The following MPPED2 variants were observed in gnomAD, a reference collection of about 807,000 sequenced individuals.
MPPED2 encodes the protein metallophosphoesterase MPPED2.
In MPPED2, 5 loss-of-function variants were observed where a neutral mutation model predicts 33.0. The ratio of observed to expected loss-of-function variants is 0.15; its 90% CI spans 0.08 to 0.32. MPPED2 has a LOEUF of 0.32. MPPED2 is among the 10% of genes least tolerant of loss of function. The pLI is 1.00. For missense variants in MPPED2, 275 were observed against 372.1 expected (o/e 0.74, Z 2.15); for synonymous variants, 136 against 141.9 (o/e 0.96, Z 0.29).
intron 4 of MPPED2, among the ~76,000 whole-genome samples, chr11:30,435,858 T>C (rs1949300108): frequency 6.6e-6 from 1 of 151,968 alleles, no homozygotes; most frequent in African/African-American, 2.4e-5. Flanking sequence ...ATAAACCTCA[T>C]GTTTTTTTCC....
chr11:30,498,846 A>C (rs1952422475), intron 3 of MPPED2, among the ~76,000 whole-genome samples: 2 of 152,238 alleles, frequency 1.3e-5, no homozygotes, highest in African/African-American at 4.8e-5. Flanking sequence ...CAGGGACAAT[A>C]AAGTGACAAT....
downstream of MPPED2, among the ~76,000 whole-genome samples, chr11:30,407,452 C>A (rs1948007567): frequency 1.3e-5 from 2 of 152,230 alleles, no homozygotes; most frequent in Non-Finnish European, 2.9e-5. Context: ...CCGCCTCCCA[C>A]TAATGCCCTT....
At chr11:30,578,128 T>C (rs1032189677) in intron 2 of MPPED2, among the ~76,000 whole-genome samples, 13 of 152,038 alleles carry the variant, frequency 8.6e-5, no homozygotes, top group African/African-American at 3.1e-4. Flanking sequence ...AACGGATAGG[T>C]AGAAAAGGCT....
At chr11:30,423,133 G>C (rs485083) in intron 4 of MPPED2, among the ~76,000 whole-genome samples, 139,317 of 152,230 alleles carry the variant, frequency 0.92, 63,788 homozygotes, top group East Asian at 1. Flanking sequence ...CAGAAGGGAG[G>C]TGCCAAGCCA....
rs140393689 is a variant in MPPED2, at chr11:30,497,700, C to CCTTTCTTTCTTTCTTT, written c.311-2195_311-2180dup. On this transcript the variant is annotated intron_variant, in intron 3 of 6. Coordinates refer to ENST00000358117, the MANE Select transcript of MPPED2 (RefSeq NM_001584.3). ...TTTTCCCCCTTCAGACTGGGTTTTT[C>CCTTTCTTTCTTTCTTT]CTTTCTTTCTTTCTTTCTTTCTTTT... 1.2e-3 allele frequency among the ~76,000 whole-genome samples: 177 copies of CCTTTCTTTCTTTCTTT among 151,804 alleles called. 1 individual carries two copies. The highest frequency in any genetic ancestry group is 4.2e-3 in the African/African-American group (172 of 41,186).
intron 4 of MPPED2, among the ~76,000 whole-genome samples, chr11:30,491,776 G>A (rs1189669195): frequency 6.6e-6 from 1 of 152,160 alleles, no homozygotes; most frequent in Admixed American, 6.5e-5. Flanking sequence ...CAGTAGCTCT[G>A]GGAATATTAA....
At chr11:30,464,952 C>T (rs1950648212) in intron 4 of MPPED2, among the ~76,000 whole-genome samples, 1 of 152,116 alleles carries the variant, frequency 6.6e-6, no homozygotes, top group African/African-American at 2.4e-5. Flanking sequence ...GCAAACAGTC[C>T]TATTTCTACT....
At chr11:30,506,348 A>G (rs1330055246) in intron 3 of MPPED2, among the ~76,000 whole-genome samples, 1 of 152,128 alleles carries the variant, frequency 6.6e-6, no homozygotes. Context: ...CTGGCCTATT[A>G]CTGTTATTTT....
chr11:30,452,119 T>C, intron 4 of MPPED2: 1 of 984,776 alleles, frequency 1.0e-6, no homozygotes, highest in Non-Finnish European at 1.2e-6. Flanking sequence ...TTATTTCTCT[T>C]CTCTACTTAA....
chr11:30,422,760 T>A (rs1948666251), intron 4 of MPPED2, among the ~76,000 whole-genome samples: 1 of 152,146 alleles, frequency 6.6e-6, no homozygotes, highest in Admixed American at 6.6e-5. Context: ...TGTAAAAAAA[T>A]GTCCCACAAA....
At chr11:30,491,761 A>T (rs1951992892) in intron 4 of MPPED2, among the ~76,000 whole-genome samples, 1 of 152,236 alleles carries the variant, frequency 6.6e-6, no homozygotes, top group Non-Finnish European at 1.5e-5. Context: ...CGATGTTCAG[A>T]TTATCAGTAG....
chr11:30,427,181 G>C (rs751425567), intron 4 of MPPED2, among the ~76,000 whole-genome samples: 5 of 152,214 alleles, frequency 3.3e-5, no homozygotes, highest in Non-Finnish European at 5.9e-5. Flanking sequence ...AGGAAAGGTA[G>C]GTTCGGGAGT....
At chr11:30,553,917 T>G (rs185139965) in intron 2 of MPPED2, among the ~76,000 whole-genome samples, 10 of 152,322 alleles carry the variant, frequency 6.6e-5, no homozygotes, top group Admixed American at 5.9e-4. Flanking sequence ...TGACAATTTA[T>G]GAGTGTAAAT....
intron 4 of MPPED2, among the ~76,000 whole-genome samples, chr11:30,482,715 C>T (rs112354451): frequency 6.6e-6 from 1 of 152,132 alleles, no homozygotes; most frequent in Non-Finnish European, 1.5e-5. Flanking sequence ...CAATAATCCA[C>T]TGATTCTGTT....
At chr11:30,510,754 G>A (rs903991139) in intron 3 of MPPED2, among the ~76,000 whole-genome samples, 5 of 152,182 alleles carry the variant, frequency 3.3e-5, no homozygotes, top group African/African-American at 7.2e-5. Flanking sequence ...CGTTCTGACC[G>A]GAAACTGGAG....
intron 6 of MPPED2, among the ~76,000 whole-genome samples, chr11:30,400,246 A>T (rs909146074): frequency 6.6e-6 from 1 of 152,064 alleles, no homozygotes; most frequent in Non-Finnish European, 1.5e-5. Flanking sequence ...TAATAAAAAA[A>T]TATTTCTTTT....
rs373263880 is a variant in MPPED2 at position 30,476,075 on chromosome 11, AT to A, written c.536+19220del. Among the ~76,000 whole-genome samples, 1,162 of 152,044 alleles carry A rather than the reference AT, an allele frequency of 7.6e-3. 17 individuals carry two copies. Among genetic ancestry groups the A allele is most frequent in the African/African-American group, 0.027 (1,112 of 41,500 alleles). On this transcript the variant is annotated intron_variant, in intron 4 of 6. Coordinates refer to ENST00000358117, the MANE Select transcript of MPPED2 (RefSeq NM_001584.3). The stretch of plus-strand genomic sequence containing the variant: ...GAAGAGTCAATTCAAACTTCTGAGC[AT>A]TTTTTATTGGGGTGTTTGTCTTTTT...
intron 6 of MPPED2, among the ~76,000 whole-genome samples, chr11:30,404,657 TTTA>T (rs1453558331): frequency 1.3e-5 from 2 of 152,216 alleles, no homozygotes; most frequent in Non-Finnish European, 2.9e-5. Context: ...CCAACTTTCT[TTTA>T]TTGTTGTCTT....
intron 2 of MPPED2, among the ~76,000 whole-genome samples, chr11:30,576,142 T>C (rs1242814944): frequency 6.6e-6 from 1 of 152,206 alleles, no homozygotes; most frequent in Non-Finnish European, 1.5e-5. Context: ...CTCCACAGCC[T>C]TTTGAGATAG....
Sources: allele counts gnomAD v4.1 joint callset (sites outside exome capture counted in the v4.1 genomes callset), GRCh38; gene constraint gnomAD v4.1.1; transcripts MANE v1.5; gene names NCBI Gene and HGNC (gene_info 2026-07-23, HGNC 2026-07-21).